The following KIF26B variants were observed in gnomAD, a reference collection of about 807,000 sequenced individuals.
KIF26B encodes kinesin-like protein KIF26B.
In KIF26B, 63 loss-of-function variants were observed where a neutral mutation model predicts 151.2. That is an observed-to-expected ratio of 0.42 (90% CI 0.34 to 0.51). KIF26B has a LOEUF of 0.51. Ranked by LOEUF, KIF26B falls within the 20% of genes least tolerant of loss-of-function variation. KIF26B has a pLI of 0.07. For missense variants in KIF26B, 2,813 were observed against 2,913.6 expected (o/e 0.97, Z 0.79); for synonymous variants, 1,357 against 1,262.1 (o/e 1.08, Z -1.59).
At position 245,495,704 on chromosome 1, in the gene KIF26B, T is replaced by C. The variant is rs1318278506; in HGVS notation, c.1167-45063T>C. ...TAACACCTAAAATTCTACTTCAAAA[T>C]GTGATTTAAGAAGCCCTGGCTTGCC... On this transcript the variant is annotated intron_variant, in intron 4 of 14. Coordinates refer to ENST00000407071, the MANE Select transcript of KIF26B (RefSeq NM_018012.4). The surrounding 1 kb of genome is among the most constrained non-coding windows in gnomAD (Gnocchi z 4.2). Among the ~76,000 whole-genome samples the C allele has an allele frequency of 1.3e-5, 2 of 152,102 alleles. No homozygotes were observed. Among genetic ancestry groups the C allele is most frequent in the Non-Finnish European group, 2.9e-5 (2 of 68,032 alleles).
At chr1:245,232,696 A>G (rs981207605) in intron 2 of KIF26B, among the ~76,000 whole-genome samples, 4 of 152,102 alleles carry the variant, frequency 2.6e-5, no homozygotes, top group Non-Finnish European at 5.9e-5. Context: ...GATCACAGGC[A>G]TGAGCCACCA....
intron 5 of KIF26B, among the ~76,000 whole-genome samples, chr1:245,570,437 A>C (rs2043056247): frequency 6.6e-6 from 1 of 152,086 alleles, no homozygotes; most frequent in Non-Finnish European, 1.5e-5. Context: ...ACTGATACCA[A>C]CTGGGGCTTT....
rs989024948 is a variant in KIF26B, at chr1:245,314,845, A to G, written c.466-51989A>G. 2.0e-5 allele frequency among the ~76,000 whole-genome samples: 3 copies of G among 152,358 alleles called. No homozygotes were observed. In the East Asian group the frequency reaches 5.8e-4, roughly 29 times the overall value. ...AGCAAGGTATAGATTCACATAATAC[A>G]TAATTAATGGTAAAATGCTATTAGC... is the stretch of plus-strand genomic sequence containing the variant. On this transcript the variant is annotated intron_variant, in intron 2 of 14. Coordinates refer to ENST00000407071, the MANE Select transcript of KIF26B (RefSeq NM_018012.4).
intron 3 of KIF26B, among the ~76,000 whole-genome samples, chr1:245,386,281 T>C (rs779794756): frequency 2.6e-5 from 4 of 151,354 alleles, no homozygotes; most frequent in Non-Finnish European, 5.9e-5. Flanking sequence ...TTTAGCAATA[T>C]TGAAATGTGC....
rs1289875261 is a variant in KIF26B at position 245,495,463 on chromosome 1, T to C, written c.1167-45304T>C. On this transcript the variant is annotated intron_variant, in intron 4 of 14. Coordinates refer to ENST00000407071, the MANE Select transcript of KIF26B (RefSeq NM_018012.4). The surrounding 1 kb of genome is among the most constrained non-coding windows in gnomAD (Gnocchi z 4.2). ...CATGGTAATCAGCATATCTATCAACTCAAACATTTATCATGTCTTTGTGTT... is the reference window on the plus strand; with the variant it reads ...CATGGTAATCAGCATATCTATCAACCCAAACATTTATCATGTCTTTGTGTT... 1.3e-5 allele frequency among the ~76,000 whole-genome samples: 2 copies of C among 152,238 alleles called. No homozygotes were observed. Among genetic ancestry groups the C allele is most frequent in the Non-Finnish European group, 1.5e-5 (1 of 68,038 alleles).
intron 2 of KIF26B, among the ~76,000 whole-genome samples, chr1:245,246,220 G>A (rs1356440740): frequency 1.3e-5 from 2 of 152,096 alleles, no homozygotes; most frequent in East Asian, 1.9e-4. Context: ...TGGAATTTTT[G>A]CCTCTTCAAA....
chr1:245,699,365 G>A (rs998278572), intron 14 of KIF26B, among the ~76,000 whole-genome samples: 1 of 151,998 alleles, frequency 6.6e-6, no homozygotes, highest in Non-Finnish European at 1.5e-5. Flanking sequence ...AATCTCCTAG[G>A]CCACAAAATC....
intron 4 of KIF26B, among the ~76,000 whole-genome samples, chr1:245,458,393 C>T (rs1229545794): frequency 6.6e-6 from 1 of 152,134 alleles, no homozygotes; most frequent in East Asian, 1.9e-4. Flanking sequence ...GAAGAAGAAC[C>T]AGATGGTTGC....
chr1:245,354,505 T>C (rs1672639798), intron 2 of KIF26B, among the ~76,000 whole-genome samples: 1 of 152,206 alleles, frequency 6.6e-6, no homozygotes, highest in African/African-American at 2.4e-5. Flanking sequence ...CTGGTGACAC[T>C]GTCAGCGGCG....
chr1:245,497,177 T>A (rs1357176025), intron 4 of KIF26B, among the ~76,000 whole-genome samples: 4 of 150,652 alleles, frequency 2.7e-5, no homozygotes, highest in Non-Finnish European at 5.9e-5. Flanking sequence ...AAGATAAGTA[T>A]CTTTAATTTA....
chr1:245,512,464 C>G lies in KIF26B; in HGVS notation c.1167-28303C>G, dbSNP rs1660859217. ...TTGATTCCTGAATATTAAATCAGTT[C>G]TGTGAGCAGTAGAATGAGATCATAT... is the stretch of plus-strand genomic sequence containing the variant. On this transcript the variant is annotated intron_variant, in intron 4 of 14. Coordinates refer to ENST00000407071, the MANE Select transcript of KIF26B (RefSeq NM_018012.4). This position sits in a 1 kb window ranked among gnomAD's most constrained non-coding sequence, Gnocchi z 4.3. Among the ~76,000 whole-genome samples the G allele has an allele frequency of 3.3e-5, 5 of 152,180 alleles. No individual in the cohort carries two copies. Among genetic ancestry groups the G allele is most frequent in the Admixed American group, 3.3e-4 (5 of 15,276 alleles).
intron 10 of KIF26B, among the ~76,000 whole-genome samples, chr1:245,680,387 A>G (rs1329038163): frequency 6.6e-6 from 1 of 152,224 alleles, no homozygotes; most frequent in African/African-American, 2.4e-5. Flanking sequence ...GTTGCTAAGC[A>G]GCATACATGC....
chr1:245,289,361 T>C (rs1671217234), intron 2 of KIF26B, among the ~76,000 whole-genome samples: 1 of 152,196 alleles, frequency 6.6e-6, no homozygotes, highest in South Asian at 2.1e-4. Flanking sequence ...CAGGCAATTA[T>C]TATTATTGTG....
chr1:245,242,940 G>A lies in KIF26B; in HGVS notation c.465+86257G>A, dbSNP rs187393281. 3.7e-3 allele frequency among the ~76,000 whole-genome samples: 560 copies of A among 152,232 alleles called. 1 individual carries two copies. Among genetic ancestry groups the A allele is most frequent in the African/African-American group, 0.011 (455 of 41,530 alleles). ...GCTGGGATTACAGGCATGAGCCACCGCGCCCAGCCATATGTGGTTTATTTA... is the reference window on the plus strand; with the variant it reads ...GCTGGGATTACAGGCATGAGCCACCACGCCCAGCCATATGTGGTTTATTTA... On this transcript the variant is annotated intron_variant, in intron 2 of 14. Coordinates refer to ENST00000407071, the MANE Select transcript of KIF26B (RefSeq NM_018012.4).
chr1:245,195,846 G>A (rs11590533), intron 2 of KIF26B, among the ~76,000 whole-genome samples: 64,091 of 152,114 alleles, frequency 0.42, 14,078 homozygotes, highest in East Asian at 0.75. Flanking sequence ...AAAGCAGGGT[G>A]TGCTCGGAAC....
intron 4 of KIF26B, among the ~76,000 whole-genome samples, chr1:245,425,169 A>G (rs1196529708): frequency 6.6e-6 from 1 of 151,938 alleles, no homozygotes; most frequent in Non-Finnish European, 1.5e-5. Flanking sequence ...ATAAAGGTGG[A>G]CTTAATGATG....
intron 4 of KIF26B, among the ~76,000 whole-genome samples, chr1:245,489,080 G>C (rs958863645): frequency 6.6e-6 from 1 of 152,220 alleles, no homozygotes; most frequent in Non-Finnish European, 1.5e-5. Flanking sequence ...GCAAGACATG[G>C]AACGGATAGT....
chr1:245,404,459 G>A (rs527802503), intron 3 of KIF26B, among the ~76,000 whole-genome samples: 2 of 152,200 alleles, frequency 1.3e-5, no homozygotes, highest in East Asian at 1.9e-4. Context: ...CGCTGGTTCC[G>A]GTTTATTAGC....
At chr1:245,187,329 A>G (rs1406135683) in intron 2 of KIF26B, among the ~76,000 whole-genome samples, 1 of 152,200 alleles carries the variant, frequency 6.6e-6, no homozygotes, top group Non-Finnish European at 1.5e-5. Context: ...ACAATAGAGA[A>G]AGACAGACAG....
Sources: allele counts gnomAD v4.1 joint callset (sites outside exome capture counted in the v4.1 genomes callset), GRCh38; gene constraint gnomAD v4.1.1; non-coding constraint Gnocchi (gnomAD v3.1); transcripts MANE v1.5; gene names NCBI Gene and HGNC (gene_info 2026-07-23, HGNC 2026-07-21).